Variants in CDH18 observed in about 807,000 individuals in gnomAD.
CDH18 encodes cadherin-18.
CDH18 carries 31 observed loss-of-function variants against 67.9 expected under a neutral mutation model. The ratio of observed to expected loss-of-function variants is 0.46; its 90% CI spans 0.34 to 0.62. The LOEUF is 0.62. CDH18 is among the 20% of genes least tolerant of loss of function. CDH18 has a pLI of 0.01. For missense variants in CDH18, 890 were observed against 975.5 expected, an observed-to-expected ratio of 0.91 and a Z score of 1.17; for synonymous variants, 362 against 347.2, an observed-to-expected ratio of 1.04 and a Z score of -0.48.
Position 20,424,393 on chromosome 5 carries a change from CAG to C in CDH18, c.-580+151067_-580+151068del, listed in dbSNP as rs529088077. On this transcript the variant is annotated intron_variant, in intron 1 of 14. Transcript: ENST00000507958. ...AAAGAACAAGGATGTTTCAGAGCTA[CAG>C]AGTTTCAGATTATCTTTTTTTTTTG... is the stretch of plus-strand genomic sequence containing the variant. Among the ~76,000 whole-genome samples the C allele has an allele frequency of 6.5e-3, 960 of 147,656 alleles. 9 individuals are homozygous for C. The highest frequency in any genetic ancestry group is 0.014 in the Middle Eastern group (4 of 294).
chr5:19,660,791 G>C (rs2150310949), intron 5 of CDH18, among the ~76,000 whole-genome samples: 1 of 152,146 alleles, frequency 6.6e-6, no homozygotes, highest in South Asian at 2.1e-4. Context: ...ATGTGTGTGT[G>C]TTGTATAATA....
chr5:20,559,865 A>C (rs1758104970), intron 1 of CDH18, among the ~76,000 whole-genome samples: 1 of 152,168 alleles, frequency 6.6e-6, no homozygotes, highest in African/African-American at 2.4e-5. Context: ...CTCCAAAGGT[A>C]GTAAAATTAA....
chr5:19,872,870 C>A (rs1007162122), intron 2 of CDH18, among the ~76,000 whole-genome samples: 1 of 152,042 alleles, frequency 6.6e-6, no homozygotes, highest in African/African-American at 2.4e-5. Context: ...GATGAGAATC[C>A]CAATGTTTGT....
chr5:20,237,793 A>C (rs1742591810), intron 2 of CDH18, among the ~76,000 whole-genome samples: 1 of 152,022 alleles, frequency 6.6e-6, no homozygotes, highest in Admixed American at 6.6e-5. Context: ...TTTTCCTAGA[A>C]ACTGGCAAAC....
chr5:20,456,879 G>A (rs1750872084), intron 1 of CDH18, among the ~76,000 whole-genome samples: 1 of 152,148 alleles, frequency 6.6e-6, no homozygotes, highest in Admixed American at 6.6e-5. Flanking sequence ...TAAATTAAAG[G>A]AGGATCCTTC....
chr5:19,769,648 C>A (rs181748615), intron 3 of CDH18, among the ~76,000 whole-genome samples: 109 of 152,098 alleles, frequency 7.2e-4, no homozygotes, highest in Non-Finnish European at 1.3e-3. Context: ...CAATAAAACT[C>A]TTAAAATGAA....
chr5:19,813,111 A>G (rs895970103), intron 3 of CDH18, among the ~76,000 whole-genome samples: 6 of 152,108 alleles, frequency 3.9e-5, no homozygotes, highest in Non-Finnish European at 7.4e-5. Context: ...GGACACAAGG[A>G]CGGGAACATC....
intron 8 of CDH18, among the ~76,000 whole-genome samples, chr5:19,568,890 T>C (rs114603025): frequency 6.6e-6 from 1 of 152,202 alleles, no homozygotes; most frequent in African/African-American, 2.4e-5. Context: ...CCAGACATTT[T>C]CAACTGTCCC....
intron 2 of CDH18, among the ~76,000 whole-genome samples, chr5:19,965,801 G>T (rs1349280952): frequency 6.6e-6 from 1 of 152,064 alleles, no homozygotes; most frequent in Non-Finnish European, 1.5e-5. Flanking sequence ...CAGGTGTGAG[G>T]TTCTTGTGGG....
intron 5 of CDH18, among the ~76,000 whole-genome samples, chr5:19,701,613 T>C (rs1346306146): frequency 6.6e-6 from 1 of 152,082 alleles, no homozygotes; most frequent in East Asian, 1.9e-4. Flanking sequence ...TTAACAGTGT[T>C]TGGGGGCAAT....
chr5:19,970,967 A>G (rs1290422615), intron 2 of CDH18, among the ~76,000 whole-genome samples: 1 of 151,898 alleles, frequency 6.6e-6, no homozygotes, highest in African/African-American at 2.4e-5. Context: ...AAAATACATT[A>G]TTAAAGTTTG....
At chr5:20,303,794 A>G (rs1408750703) in intron 1 of CDH18, among the ~76,000 whole-genome samples, 3 of 152,218 alleles carry the variant, frequency 2.0e-5, no homozygotes, top group African/African-American at 7.2e-5. Context: ...TAATAAACAA[A>G]CGAACATTAA....
chr5:19,686,532 A>G (rs990223409), intron 5 of CDH18, among the ~76,000 whole-genome samples: 4 of 152,128 alleles, frequency 2.6e-5, no homozygotes, highest in African/African-American at 9.7e-5. Context: ...TAAAATGCCT[A>G]TTTATGTGCG....
intron 2 of CDH18, among the ~76,000 whole-genome samples, chr5:19,915,340 G>A (rs940562693): frequency 2.6e-4 from 39 of 152,150 alleles, no homozygotes; most frequent in African/African-American, 8.2e-4. Context: ...TGCTTTTATA[G>A]CTGACCCTTG....
At chr5:19,572,036 G>A (rs1160937273) in intron 7 of CDH18, among the ~76,000 whole-genome samples, 3 of 152,056 alleles carry the variant, frequency 2.0e-5, no homozygotes, top group Non-Finnish European at 2.9e-5. Flanking sequence ...TCAGCATTTT[G>A]TATTTAGTGC....
chr5:19,565,634 A>T (rs1345805784), intron 8 of CDH18, among the ~76,000 whole-genome samples: 1 of 152,054 alleles, frequency 6.6e-6, no homozygotes. Context: ...ACAATAAATG[A>T]CTCTTCAGTG....
chr5:20,064,421 AG>A (rs1289709285), intron 2 of CDH18, among the ~76,000 whole-genome samples: 33 of 152,160 alleles, frequency 2.2e-4, no homozygotes, highest in African/African-American at 7.0e-4. Flanking sequence ...GCTCTTAATC[AG>A]GGGCTGTTTT....
intron 9 of CDH18, among the ~76,000 whole-genome samples, chr5:19,539,551 A>T (rs1012096309): frequency 7.2e-5 from 11 of 152,172 alleles, no homozygotes; most frequent in African/African-American, 2.7e-4. Context: ...TCTGGAGTTG[A>T]TTCTCTTTTC....
At chr5:19,732,238 C>G (rs1767697006) in intron 4 of CDH18, among the ~76,000 whole-genome samples, 1 of 144,484 alleles carries the variant, frequency 6.9e-6, no homozygotes, top group Non-Finnish European at 1.5e-5. Flanking sequence ...CCCAGATATT[C>G]AAGACCAGCC....
Sources: allele counts gnomAD v4.1 joint callset (sites outside exome capture counted in the v4.1 genomes callset), GRCh38; gene constraint gnomAD v4.1.1; transcripts MANE v1.5; gene names NCBI Gene and HGNC (gene_info 2026-07-23, HGNC 2026-07-21).